Variants in NFASC observed in about 807,000 individuals in gnomAD.
The protein encoded by NFASC is neurofascin, also known as neurofascin homolog.
A neutral mutation model predicts 147.5 loss-of-function variants in NFASC; 43 were observed. The observed-to-expected ratio is 0.29, with a 90% confidence interval of 0.23 to 0.38. NFASC has a LOEUF of 0.38. Ranked by LOEUF, NFASC falls within the 10% of genes least tolerant of loss-of-function variation. The pLI is 1.00. For synonymous variants in NFASC, 622 were observed against 665.5 expected (o/e 0.93, Z 1.01); for missense variants, 1,320 against 1,689.0 (o/e 0.78, Z 3.83).
At position 205,005,451 on chromosome 1, in the gene NFASC, C is replaced by A. The variant is rs148843685; in HGVS notation, c.3289+2703C>A. Among the ~76,000 whole-genome samples, 6 of 152,240 alleles carry A rather than the reference C, an allele frequency of 3.9e-5. No homozygotes were observed. The East Asian group carries it at 1.2e-3, about 29-fold the overall frequency. ...ACGTCTTCTAGTCCAGTGTAAGAGG[C>A]GTGGGGGCCGGACGAGAGGATGCTG... On this transcript the variant is annotated intron_variant, in intron 27 of 29. Transcript: ENST00000339876.
intron 1 of NFASC, among the ~76,000 whole-genome samples, chr1:204,866,789 T>C (rs549972559): frequency 6.6e-6 from 1 of 152,328 alleles, no homozygotes; most frequent in Admixed American, 6.5e-5. Flanking sequence ...TATCTGCACA[T>C]ATCATTACAA....
At chr1:204,895,358 C>T (rs1264603295) in intron 1 of NFASC, among the ~76,000 whole-genome samples, 1 of 152,212 alleles carries the variant, frequency 6.6e-6, no homozygotes, top group Non-Finnish European at 1.5e-5. Flanking sequence ...CCCACTACCA[C>T]CAGCTTCTTT....
At position 204,975,225 on chromosome 1, in the gene NFASC, T is replaced by C. The variant is rs778336256; in HGVS notation, c.1559-46T>C. ...CCACTTTGTGGCCGCATGGGGATGCTGGGCAGAGAACAGGCCAGTGGCGAG... is the reference window on the plus strand; with the variant it reads ...CCACTTTGTGGCCGCATGGGGATGCCGGGCAGAGAACAGGCCAGTGGCGAG... On this transcript the variant is annotated intron_variant, in intron 14 of 29. Coordinates refer to ENST00000339876, the MANE Select transcript of NFASC (RefSeq NM_001005388.3). The surrounding 1 kb of genome is among the most constrained non-coding windows in gnomAD (Gnocchi z 4.0). The C allele has an allele frequency of 9.6e-6, 15 of 1,563,258 alleles. No individual in the cohort carries two copies. In the African/African-American group the frequency reaches 1.8e-4, roughly 18 times the overall value.
At chr1:205,012,675 T>C in intron 28 of NFASC, 122 bp from the exon 29 acceptor site, 1 of 776,768 alleles carries the variant, frequency 1.3e-6, no homozygotes, top group Non-Finnish European at 2.3e-6. Context: ...GGTGCCTTGT[T>C]AAAAAAGAGT....
intron 1 of NFASC, among the ~76,000 whole-genome samples, chr1:204,842,357 A>C (rs181572407): frequency 2.2e-4 from 34 of 152,296 alleles, no homozygotes; most frequent in Admixed American, 2.0e-3. Context: ...TTCAAAGTTT[A>C]CTTAAAGTAC....
At chr1:204,932,363 G>T (rs1037814694) in intron 2 of NFASC, among the ~76,000 whole-genome samples, 12 of 152,100 alleles carry the variant, frequency 7.9e-5, no homozygotes, top group African/African-American at 2.9e-4. Flanking sequence ...ATTTGTAAAA[G>T]ATAAGAGGCA....
intron 1 of NFASC, among the ~76,000 whole-genome samples, chr1:204,898,999 A>G (rs1048888131): frequency 3.9e-5 from 6 of 152,178 alleles, no homozygotes; most frequent in African/African-American, 1.4e-4. Context: ...CCCTGCCTTC[A>G]GACAGCTCCA....
rs369720213 is a variant in NFASC, at chr1:204,968,963, G to A, written c.984G>A (p.Thr328=). ...ACAAGATGGGCAGCATCCGGCACAC[G>A]ATCTCGGTGAGAGTAAAGGGTACGT... ...ASNKMGSIRH[T]ISVRVKAAPY... Residue 328 remains threonine, a synonymous_variant, in exon 10 of 30, where the codon ACG becomes ACA. Coordinates refer to ENST00000339876, the MANE Select transcript of NFASC (RefSeq NM_001005388.3). This position sits in a 1 kb window ranked among gnomAD's most constrained non-coding sequence, Gnocchi z 5.4. The A allele has an allele frequency of 8.1e-6, 13 of 1,613,834 alleles. No individual in the cohort carries two copies. Among genetic ancestry groups the A allele is most frequent in the African/African-American group, 2.7e-5 (2 of 74,918 alleles).
chr1:204,858,977 A>ATTTTTT (rs2076422192), intron 1 of NFASC, among the ~76,000 whole-genome samples: 1 of 139,558 alleles, frequency 7.2e-6, no homozygotes, highest in Admixed American at 7.0e-5. Flanking sequence ...GAATGCACTG[A>ATTTTTT]CTTTTTTTTT....
At chr1:205,003,623 A>G (rs1371950746) in intron 27 of NFASC, among the ~76,000 whole-genome samples, 3 of 152,106 alleles carry the variant, frequency 2.0e-5, no homozygotes, top group African/African-American at 4.8e-5. Context: ...TTAAGAGAGA[A>G]AAGGATCAGT....
Position 204,987,067 on chromosome 1 carries a change from G to A in NFASC, c.2471-351G>A, listed in dbSNP as rs966889177. 1 of 290,866 alleles carries A rather than the reference G, an allele frequency of 3.4e-6. No homozygotes were observed. The highest frequency in any genetic ancestry group is 4.9e-5 in the South Asian group (1 of 20,452). The allele number at this position is 290,866 out of a possible 1,614,324, so 18.0% of individuals were successfully genotyped here. ...GCCTCTGTACAAAACAGCTGTAAGT[G>A]GTTCTCTACCTAGGAATGGCTCTGC... On this transcript the variant is annotated intron_variant, in intron 21 of 29. Transcript: ENST00000339876. This position sits in a 1 kb window ranked among gnomAD's most constrained non-coding sequence, Gnocchi z 4.4.
chr1:204,941,659 A>G (rs888834908), intron 2 of NFASC, among the ~76,000 whole-genome samples: 26 of 152,314 alleles, frequency 1.7e-4, no homozygotes, highest in African/African-American at 6.3e-4. Context: ...TAAGCCAAGG[A>G]GAGGCATTAG....
intron 1 of NFASC, among the ~76,000 whole-genome samples, chr1:204,897,809 C>T (rs2083686858): frequency 1.3e-5 from 2 of 152,094 alleles, no homozygotes; most frequent in African/African-American, 4.8e-5. Flanking sequence ...GGTCTCACCT[C>T]ACTGCAACCT....
At chr1:204,950,145 C>T (rs1470449245) in intron 3 of NFASC, among the ~76,000 whole-genome samples, 2 of 152,262 alleles carry the variant, frequency 1.3e-5, no homozygotes, top group Non-Finnish European at 1.5e-5. Context: ...GTCTTGCCCT[C>T]AGCCTCTCCT....
intron 1 of NFASC, among the ~76,000 whole-genome samples, chr1:204,842,354 TTTAC>T (rs1259981390): frequency 6.6e-6 from 1 of 152,246 alleles, no homozygotes; most frequent in African/African-American, 2.4e-5. Flanking sequence ...TTGTTCAAAG[TTTAC>T]TTAAAGTACA....
intron 29 of NFASC, among the ~76,000 whole-genome samples, chr1:205,014,918 G>GT (rs1305643075): frequency 6.6e-6 from 1 of 152,146 alleles, no homozygotes; most frequent in African/African-American, 2.4e-5. Flanking sequence ...TTGGCAAACA[G>GT]TGACTTCCGC....
At position 204,957,755 on chromosome 1, in the gene NFASC, G is replaced by A. The variant is rs1478237617; in HGVS notation, c.635G>A (p.Ser212Asn). 6.2e-7 allele frequency: 1 copy of A among 1,614,188 alleles called. No individual in the cohort carries two copies. The highest frequency in any genetic ancestry group is 1.7e-5 in the Admixed American group (1 of 60,030). Reference sequence around the variant, plus strand: ...CTGCAGGACATGCAGACCGACTACAGTTGTAACGCCCGCTTCCACTTCACC... The same window carrying A: ...CTGCAGGACATGCAGACCGACTACAATTGTAACGCCCGCTTCCACTTCACC... ...VMLQDMQTDY[S>N]CNARFHFTHT... The change falls in exon 8 of 30, where the codon AGT (serine) becomes AAT (asparagine). Residue 212 changes from serine (S) to asparagine (N), a missense_variant. Around this residue, in one of 3 missense-constraint regions of NFASC, gnomAD observed 981 missense variants for 1,289.5 expected, o/e 0.76. Coordinates refer to ENST00000339876, the MANE Select transcript of NFASC (RefSeq NM_001005388.3).
At chr1:204,886,780 A>G (rs1397300144) in intron 1 of NFASC, among the ~76,000 whole-genome samples, 1 of 152,136 alleles carries the variant, frequency 6.6e-6, no homozygotes, top group Non-Finnish European at 1.5e-5. Context: ...GAGCCCAGGG[A>G]TTCTGTATGC....
At chr1:204,936,520 A>G (rs1358040922) in intron 2 of NFASC, among the ~76,000 whole-genome samples, 2 of 152,080 alleles carry the variant, frequency 1.3e-5, no homozygotes, top group Non-Finnish European at 2.9e-5. Flanking sequence ...TTCTTAAGAA[A>G]TCTTTAGCTC....
Sources: allele counts gnomAD v4.1 joint callset (sites outside exome capture counted in the v4.1 genomes callset), GRCh38; gene constraint gnomAD v4.1.1; regional missense constraint gnomAD v4.1.1; non-coding constraint Gnocchi (gnomAD v3.1); transcripts MANE v1.5; gene names NCBI Gene and HGNC (gene_info 2026-07-23, HGNC 2026-07-21).